ADAM23: variants seen among roughly 807,000 people sequenced by gnomAD.
The protein encoded by ADAM23 is ADAM metallopeptidase domain 23.
ADAM23 carries 33 observed loss-of-function variants against 120.1 expected under a neutral mutation model. The observed-to-expected ratio is 0.27, with a 90% CI of 0.21 to 0.37. The LOEUF (loss-of-function observed/expected upper bound fraction) is 0.37, where lower values mean the gene tolerates loss of function less well. Among genes scored for constraint, ADAM23 ranks in the 10% least tolerant of loss-of-function variants. The pLI, the probability that ADAM23 is intolerant of heterozygous loss-of-function variation, is 1.00. For synonymous variants in ADAM23, 367 were observed against 375.2 expected (o/e 0.98, Z 0.25); for missense variants, 862 against 1,058.2 (o/e 0.81, Z 2.57).
In ADAM23 at chr2:206,619,837, C is replaced by G. The variant is rs1699021152; in HGVS notation, c.*2210C>G. The G allele has an allele frequency of 6.6e-6, 1 of 152,186 alleles. No individual in the cohort carries two copies. The highest frequency in any genetic ancestry group is 2.4e-5 in the African/African-American group (1 of 41,432). The allele number at this position is 152,186 out of a possible 1,614,324, so 9.4% of individuals were successfully genotyped here. On this transcript the variant is annotated 3_prime_UTR_variant, in exon 26 of 26. Coordinates refer to ENST00000264377, the MANE Select transcript of ADAM23 (RefSeq NM_003812.4). ...AATAGGTGCTACGCAGGTAGGCGGGCTTTCTCTAGGACTAGGTGTACGTTT... is the reference window on the plus strand; with the variant it reads ...AATAGGTGCTACGCAGGTAGGCGGGGTTTCTCTAGGACTAGGTGTACGTTT...
chr2:206,591,898 A>T (rs925628830), intron 21 of ADAM23, among the ~76,000 whole-genome samples: 1 of 152,206 alleles, frequency 6.6e-6, no homozygotes, highest in African/African-American at 2.4e-5. Context: ...TCCCCAGATT[A>T]CAAGTGGAAT....
chr2:206,544,636 A>G (rs1439527269), intron 6 of ADAM23, among the ~76,000 whole-genome samples: 1 of 139,490 alleles, frequency 7.2e-6, no homozygotes, highest in East Asian at 2.1e-4. Context: ...TTTTTTTGAG[A>G]TAGTCTCGCT....
intron 18 of ADAM23, among the ~76,000 whole-genome samples, chr2:206,581,378 T>A (rs1212225875): frequency 6.6e-6 from 1 of 152,204 alleles, no homozygotes; most frequent in Non-Finnish European, 1.5e-5. Flanking sequence ...AACTTTCCTG[T>A]TAGCACCACC....
intron 6 of ADAM23, among the ~76,000 whole-genome samples, chr2:206,544,106 C>CA (rs1697347968): frequency 6.6e-6 from 1 of 151,954 alleles, no homozygotes; most frequent in Non-Finnish European, 1.5e-5. Flanking sequence ...ACCTGTTCCC[C>CA]AAAAACCTAT....
At chr2:206,577,925 T>G (rs1698148243) in intron 18 of ADAM23, among the ~76,000 whole-genome samples, 1 of 151,406 alleles carries the variant, frequency 6.6e-6, no homozygotes, top group African/African-American at 2.4e-5. Flanking sequence ...CCAGCACCTG[T>G]TGTTTCCTGA....
intron 13 of ADAM23, among the ~76,000 whole-genome samples, chr2:206,562,935 T>A (rs1203652658): frequency 6.6e-6 from 1 of 152,058 alleles, no homozygotes; most frequent in Non-Finnish European, 1.5e-5. Context: ...GTTAATCAGA[T>A]GAGAGGTAGA....
chr2:206,570,453 C>T (rs1697973147), intron 15 of ADAM23, among the ~76,000 whole-genome samples: 1 of 152,142 alleles, frequency 6.6e-6, no homozygotes, highest in South Asian at 2.1e-4. Context: ...TTCCTCTTGA[C>T]AGCTTGTCTC....
At chr2:206,531,407 T>C (rs560978805) in intron 4 of ADAM23, among the ~76,000 whole-genome samples, 1 of 152,180 alleles carries the variant, frequency 6.6e-6, no homozygotes, top group Non-Finnish European at 1.5e-5. Flanking sequence ...ATGAGGTGGA[T>C]GTTATTATTC....
At chr2:206,507,274 G>A (rs144580150) in intron 3 of ADAM23, among the ~76,000 whole-genome samples, 2,870 of 152,232 alleles carry the variant, frequency 0.019, 96 homozygotes, top group African/African-American at 0.065. Flanking sequence ...GTGGAGGTGG[G>A]GCCTGGTGGG....
intron 24 of ADAM23, among the ~76,000 whole-genome samples, chr2:206,600,127 G>C (rs1186913356): frequency 6.6e-6 from 1 of 152,176 alleles, no homozygotes; most frequent in Non-Finnish European, 1.5e-5. Context: ...GCGTGAACCT[G>C]GGAGGCAGAG....
chr2:206,460,993 A>T (rs1695405419), intron 2 of ADAM23, among the ~76,000 whole-genome samples: 1 of 151,434 alleles, frequency 6.6e-6, no homozygotes, highest in African/African-American at 2.4e-5. Context: ...TGTTGAAAAG[A>T]CCATCCTTTC....
At chr2:206,508,305 C>T (rs543014301) in intron 3 of ADAM23, among the ~76,000 whole-genome samples, 5 of 152,164 alleles carry the variant, frequency 3.3e-5, no homozygotes, top group African/African-American at 9.7e-5. Flanking sequence ...GGATTACAGG[C>T]GTGAGCCACT....
chr2:206,585,007 A>G (rs1698295876), intron 18 of ADAM23, among the ~76,000 whole-genome samples: 1 of 152,176 alleles, frequency 6.6e-6, no homozygotes, highest in African/African-American at 2.4e-5. Flanking sequence ...ACAGACCTTC[A>G]GCTTCTCCAG....
At chr2:206,525,509 A>G (rs949006582) in intron 3 of ADAM23, among the ~76,000 whole-genome samples, 1 of 152,138 alleles carries the variant, frequency 6.6e-6, no homozygotes, top group African/African-American at 2.4e-5. Context: ...GTTCTGAACA[A>G]TTGTTTTCTT....
intron 14 of ADAM23, among the ~76,000 whole-genome samples, chr2:206,565,829 G>A (rs370732122): frequency 4.6e-5 from 7 of 151,978 alleles, no homozygotes; most frequent in South Asian, 2.1e-4. Flanking sequence ...TCCTACCTCC[G>A]TCCCTCTGGT....
At chr2:206,475,396 C>G (rs1695755673) in intron 2 of ADAM23, among the ~76,000 whole-genome samples, 1 of 152,094 alleles carries the variant, frequency 6.6e-6, no homozygotes, top group Admixed American at 6.6e-5. Flanking sequence ...GATTCACAAG[C>G]TGGACTTTCA....
chr2:206,538,929 A>G (rs1447190851), intron 4 of ADAM23, among the ~76,000 whole-genome samples: 1 of 152,110 alleles, frequency 6.6e-6, no homozygotes, highest in Non-Finnish European at 1.5e-5. Context: ...CTGTTATTAG[A>G]TTAGTAATAC....
At position 206,596,140 on chromosome 2, in the gene ADAM23, C is replaced by G; in HGVS notation, c.2337C>G (p.Pro779=). 1.9e-6 allele frequency: 3 copies of G among 1,613,970 alleles called. No individual in the cohort carries two copies. Among genetic ancestry groups the G allele is most frequent in the Non-Finnish European group, 1.7e-6 (2 of 1,179,914 alleles). Residue 779 remains proline, a synonymous_variant, in exon 24 of 26, where the codon CCC becomes CCG. Transcript: ENST00000264377. The part of the protein sequence containing the change: ...SIRDPVRNLH[P]PKDEGPKGPS... The stretch of plus-strand genomic sequence containing the variant: ...GGGATCCAGTTAGGAACCTTCACCC[C>G]CCCAAGGATGAAGGACCCAAGGGTT...
intron 9 of ADAM23, 34 bp downstream of exon 9, chr2:206,550,194 A>T: frequency 4.6e-6 from 6 of 1,311,486 alleles, no homozygotes; most frequent in Non-Finnish European, 6.4e-6. Context: ...TTTAGAACAG[A>T]TAGCTTACTT....
Sources: allele counts gnomAD v4.1 joint callset (sites outside exome capture counted in the v4.1 genomes callset), GRCh38; gene constraint gnomAD v4.1.1; transcripts MANE v1.5; gene names NCBI Gene and HGNC (gene_info 2026-07-23, HGNC 2026-07-21).